ARHGAP22: variants seen among roughly 807,000 people sequenced by gnomAD.
ARHGAP22 encodes the protein rho GTPase-activating protein 22.
Under a neutral mutation model 59.1 loss-of-function variants are expected in ARHGAP22, and 48 were observed. That is an observed-to-expected ratio of 0.81 (90% CI 0.64 to 1.03). ARHGAP22 has a LOEUF of 1.03. Ranked by LOEUF, ARHGAP22 falls within the 50% of genes least tolerant of loss-of-function variation. The probability of loss-of-function intolerance (pLI) is 0.00; values close to 1 mark genes in which losing one functional copy is unlikely to be tolerated. For synonymous variants in ARHGAP22, 445 were observed against 416.4 expected, an observed-to-expected ratio of 1.07 and a Z score of -0.84; for missense variants, 1,015 against 958.7, an observed-to-expected ratio of 1.06 and a Z score of -0.78.
At chr10:48,443,070 C>T (rs10857567), downstream of ARHGAP22, among the ~76,000 whole-genome samples, 99,694 of 151,932 alleles carry the variant, frequency 0.66, 32,730 homozygotes, top group Middle Eastern at 0.79. Flanking sequence ...AAAAACGTCT[C>T]CTGCACAAAA....
chr10:48,633,201 A>G (rs1365307744), intron 1 of ARHGAP22, among the ~76,000 whole-genome samples: 1 of 152,206 alleles, frequency 6.6e-6, no homozygotes, highest in Non-Finnish European at 1.5e-5. Flanking sequence ...AACTTTTGAG[A>G]TCATTTCCCA....
chr10:48,559,021 A>G (rs189677317), intron 2 of ARHGAP22, among the ~76,000 whole-genome samples: 137 of 152,334 alleles, frequency 9.0e-4, no homozygotes, highest in African/African-American at 3.1e-3. Context: ...TGTGCTTTAG[A>G]CGCATGCAGG....
chr10:48,602,083 G>A (rs1296826418), intron 1 of ARHGAP22, among the ~76,000 whole-genome samples: 2 of 152,326 alleles, frequency 1.3e-5, no homozygotes, highest in Non-Finnish European at 2.9e-5. Context: ...TCACATTATA[G>A]TGTAGTCATG....
At chr10:48,642,814 G>C (rs1250780000) in intron 1 of ARHGAP22, among the ~76,000 whole-genome samples, 2 of 151,896 alleles carry the variant, frequency 1.3e-5, no homozygotes, top group African/African-American at 4.8e-5. Context: ...CTACAGAATG[G>C]GAGAAAATTT....
intron 2 of ARHGAP22, among the ~76,000 whole-genome samples, chr10:48,559,374 A>T (rs1347059771): frequency 6.6e-6 from 1 of 152,212 alleles, no homozygotes; most frequent in East Asian, 1.9e-4. Context: ...TATGTATCTA[A>T]GTTCCTCCTG....
intron 3 of ARHGAP22, among the ~76,000 whole-genome samples, chr10:48,482,068 A>T (rs1167947861): frequency 6.6e-6 from 1 of 151,880 alleles, no homozygotes; most frequent in African/African-American, 2.4e-5. Flanking sequence ...CTCTTTTTTC[A>T]TTCTATTAAC....
At chr10:48,563,294 T>C (rs147219209) in intron 2 of ARHGAP22, among the ~76,000 whole-genome samples, 3,223 of 147,350 alleles carry the variant, frequency 0.022, 61 homozygotes, top group Non-Finnish European at 0.032. Flanking sequence ...CCTGGGTTCA[T>C]GCCATTCGCC....
chr10:48,565,639 C>T (rs2058001765), intron 2 of ARHGAP22, among the ~76,000 whole-genome samples: 1 of 152,168 alleles, frequency 6.6e-6, no homozygotes. Flanking sequence ...AGGTAGAACA[C>T]AGACAGGTGT....
chr10:48,526,415 G>A (rs536778308), intron 3 of ARHGAP22, among the ~76,000 whole-genome samples: 51 of 152,252 alleles, frequency 3.3e-4, no homozygotes, highest in Non-Finnish European at 6.9e-4. Flanking sequence ...CGGAAAGAAA[G>A]ATGTTTTCAC....
Position 48,604,860 on chromosome 10 carries a change from C to G in ARHGAP22, c.-64G>C. On this transcript the variant is annotated 5_prime_UTR_variant, in exon 1 of 10. Transcript: ENST00000249601. ...ATGCTGTCATCCACTTGCTTTTGCTCGTCCTCGCGCCTAGTCGCCCCTCAT... is the reference window on the plus strand; with the variant it reads ...ATGCTGTCATCCACTTGCTTTTGCTGGTCCTCGCGCCTAGTCGCCCCTCAT... 3.1e-6 allele frequency: 5 copies of G among 1,612,802 alleles called. No homozygotes were observed. The highest frequency in any genetic ancestry group is 4.2e-6 in the Non-Finnish European group (5 of 1,179,828).
chr10:48,462,784 G>T (rs1014627712), intron 4 of ARHGAP22, among the ~76,000 whole-genome samples: 21 of 152,250 alleles, frequency 1.4e-4, no homozygotes, highest in Admixed American at 5.2e-4. Flanking sequence ...TTGAGCACAG[G>T]AGGTGATCCT....
intron 3 of ARHGAP22, among the ~76,000 whole-genome samples, chr10:48,528,646 G>A (rs535622896): frequency 6.6e-6 from 1 of 152,300 alleles, no homozygotes; most frequent in East Asian, 1.9e-4. Context: ...TCATGTTGAA[G>A]TATGACCTCC....
At chr10:48,524,671 T>A (rs2054170845) in intron 3 of ARHGAP22, among the ~76,000 whole-genome samples, 1 of 152,164 alleles carries the variant, frequency 6.6e-6, no homozygotes. Flanking sequence ...CACCGAGCTC[T>A]CAGTTTCCCA....
chr10:48,602,819 A>G (rs1298565087), intron 1 of ARHGAP22, among the ~76,000 whole-genome samples: 2 of 152,222 alleles, frequency 1.3e-5, no homozygotes, highest in Non-Finnish European at 2.9e-5. Flanking sequence ...CATAAAGAAA[A>G]GGAGAGATGG....
intron 1 of ARHGAP22, among the ~76,000 whole-genome samples, chr10:48,599,564 A>G (rs906146197): frequency 4.6e-5 from 7 of 152,372 alleles, no homozygotes; most frequent in African/African-American, 1.7e-4. Flanking sequence ...GAAGTAAAAT[A>G]GCAGCCAAAT....
At chr10:48,581,482 C>T (rs2059118743) in intron 2 of ARHGAP22, among the ~76,000 whole-genome samples, 2 of 152,178 alleles carry the variant, frequency 1.3e-5, no homozygotes, top group Non-Finnish European at 2.9e-5. Context: ...CTATCTGGCT[C>T]ACTTAACTAC....
chr10:48,492,954 A>G (rs572300297), intron 3 of ARHGAP22, among the ~76,000 whole-genome samples: 9 of 152,364 alleles, frequency 5.9e-5, no homozygotes, highest in Non-Finnish European at 8.8e-5. Flanking sequence ...CAACATGTCA[A>G]TTAAAATTAT....
intron 3 of ARHGAP22, among the ~76,000 whole-genome samples, chr10:48,541,412 T>C (rs181866498): frequency 6.6e-6 from 1 of 152,334 alleles, no homozygotes; most frequent in African/African-American, 2.4e-5. Flanking sequence ...GCTATCACCA[T>C]CTGAGGGACT....
chr10:48,578,460 C>T lies in ARHGAP22; in HGVS notation c.234+4493G>A, dbSNP rs189293773. The stretch of plus-strand genomic sequence containing the variant: ...CCAAATGTGACTTTTAAATGTCACC[C>T]TTAACTGGAAGTTTGAATTTGAGTT... On this transcript the variant is annotated intron_variant, in intron 2 of 9. Coordinates refer to ENST00000249601, the MANE Select transcript of ARHGAP22 (RefSeq NM_021226.4). Among the ~76,000 whole-genome samples, 8 of 152,010 alleles carry T rather than the reference C, an allele frequency of 5.3e-5. No individual in the cohort carries two copies. The East Asian group carries it at 1.5e-3, about 29-fold the overall frequency.
Sources: gnomAD v4.1 joint callset for allele counts (sites outside exome capture counted in the v4.1 genomes callset) on GRCh38, gnomAD v4.1.1 for gene constraint, MANE v1.5 for transcripts, NCBI Gene and HGNC (gene_info 2026-07-23, HGNC 2026-07-21) for gene names.